MAP4K4: variants seen among roughly 807,000 people sequenced by gnomAD.
MAP4K4 encodes HPK/GCK-like kinase HGK.
A neutral mutation model predicts 189.6 loss-of-function variants in MAP4K4; 38 were observed. That is an observed-to-expected ratio of 0.20 (90% CI 0.15 to 0.26). The LOEUF (loss-of-function observed/expected upper bound fraction) is 0.26, where lower values mean the gene tolerates loss of function less well. MAP4K4 is among the 10% of genes least tolerant of loss of function. MAP4K4 has a pLI of 1.00. For missense variants in MAP4K4, 1,054 were observed against 1,726.9 expected (o/e 0.61, Z 6.91); for synonymous variants, 610 against 624.3 (o/e 0.98, Z 0.34).
chr2:101,850,698 G>T (rs1378345996), intron 12 of MAP4K4, among the ~76,000 whole-genome samples: 1 of 152,208 alleles, frequency 6.6e-6, no homozygotes, highest in Admixed American at 6.5e-5. Flanking sequence ...TAGCAGCTCA[G>T]TTGGTATGCA....
At chr2:101,701,982 C>T (rs1252764850) in intron 2 of MAP4K4, among the ~76,000 whole-genome samples, 1 of 152,170 alleles carries the variant, frequency 6.6e-6, no homozygotes, top group Non-Finnish European at 1.5e-5. Context: ...TCTCCTGCCT[C>T]AGCCTCCTGA....
At chr2:101,735,960 A>G (rs545225251) in intron 2 of MAP4K4, among the ~76,000 whole-genome samples, 7 of 152,200 alleles carry the variant, frequency 4.6e-5, no homozygotes, top group Non-Finnish European at 1.0e-4. Flanking sequence ...TCTGTTTCCT[A>G]CAGCCTTCTA....
At chr2:101,820,753 TCTCAGAAACC>T (rs2096002157) in intron 3 of MAP4K4, among the ~76,000 whole-genome samples, 1 of 152,168 alleles carries the variant, frequency 6.6e-6, no homozygotes, top group African/African-American at 2.4e-5. Flanking sequence ...TCAGGAGGCC[TCTCAGAAACC>T]CTCAGATACC....
chr2:101,844,239 T>C, exon 12 of MAP4K4: 1 of 1,589,994 alleles, frequency 6.3e-7, no homozygotes, highest in African/African-American at 1.3e-5. Context: ...AGGAAGAATA[T>C]AAAAGGCAAC....
intron 3 of MAP4K4, among the ~76,000 whole-genome samples, chr2:101,800,524 A>G (rs1049435440): frequency 6.6e-6 from 1 of 152,258 alleles, no homozygotes; most frequent in African/African-American, 2.4e-5. Flanking sequence ...ATATTTTAAT[A>G]ATCATACATT....
chr2:101,802,783 T>C (rs953173719), intron 3 of MAP4K4, among the ~76,000 whole-genome samples: 20 of 151,872 alleles, frequency 1.3e-4, no homozygotes, highest in African/African-American at 4.4e-4. Flanking sequence ...GTGACAATGA[T>C]CTTTGTCTGT....
At chr2:101,815,413 A>T (rs1352139517) in intron 3 of MAP4K4, among the ~76,000 whole-genome samples, 1 of 152,206 alleles carries the variant, frequency 6.6e-6, no homozygotes, top group Non-Finnish European at 1.5e-5. Flanking sequence ...CAACAGACGT[A>T]ATAGTTTATA....
chr2:101,758,606 C>T (rs907531798), intron 2 of MAP4K4, among the ~76,000 whole-genome samples: 4 of 152,114 alleles, frequency 2.6e-5, no homozygotes, highest in African/African-American at 9.7e-5. Flanking sequence ...CGAGGGAGGA[C>T]TGTGTATGAA....
At chr2:101,722,640 T>A (rs2052840457) in intron 2 of MAP4K4, among the ~76,000 whole-genome samples, 1 of 152,130 alleles carries the variant, frequency 6.6e-6, no homozygotes, top group African/African-American at 2.4e-5. Flanking sequence ...CCTTTGAGAG[T>A]GTATTGTTTT....
At chr2:101,894,416 A>G (rs955384665) in exon 33 of MAP4K4, 2 of 152,746 alleles carry the variant, frequency 1.3e-5, no homozygotes, top group African/African-American at 2.4e-5. Context: ...TGCGCACCAC[A>G]TATTTATGGT....
At chr2:101,807,217 A>G (rs1287292804) in intron 3 of MAP4K4, among the ~76,000 whole-genome samples, 2 of 151,468 alleles carry the variant, frequency 1.3e-5, no homozygotes, top group East Asian at 1.9e-4. Flanking sequence ...CACCTGGCTA[A>G]TTTTTTATTT....
At chr2:101,855,100 C>T (rs1460901811) in intron 12 of MAP4K4, among the ~76,000 whole-genome samples, 4 of 152,270 alleles carry the variant, frequency 2.6e-5, no homozygotes, top group African/African-American at 4.8e-5. Context: ...GTTGTCATCA[C>T]GTGCCTGGCA....
rs577276891 is a variant in MAP4K4 at position 101,697,929 on chromosome 2, C to CCCG, written c.-140_-138dup. 0.27 allele frequency: 52,383 copies of CCCG among 195,726 alleles called. 7,901 individuals carry two copies. The highest frequency in any genetic ancestry group is 0.48 in the East Asian group (2,483 of 5,134). 12.1% of individuals were successfully genotyped at this position (195,726 alleles called of 1,614,324 possible). ...CGAGCGGCCCGAGAGCGCAGCCGAG[C>CCCG]CCGCCGCCGCCGCCCGCGGCCCCGC... On this transcript the variant is annotated 5_prime_UTR_variant, in exon 1 of 33. Transcript: ENST00000324219.
chr2:101,833,670 C>T (rs920487174), intron 7 of MAP4K4, among the ~76,000 whole-genome samples: 1 of 150,698 alleles, frequency 6.6e-6, no homozygotes, highest in Admixed American at 6.6e-5. Context: ...GTATATCAGG[C>T]AATGTTTAGT....
chr2:101,705,146 G>A (rs1452723365), intron 2 of MAP4K4, among the ~76,000 whole-genome samples: 1 of 152,186 alleles, frequency 6.6e-6, no homozygotes, highest in African/African-American at 2.4e-5. Flanking sequence ...TATCTAGATA[G>A]CATTAGGTAT....
chr2:101,839,961 A>G lies in MAP4K4; in HGVS notation c.916A>G (p.Ile306Val). The G allele has an allele frequency of 6.2e-7, 1 of 1,609,814 alleles. No individual in the cohort carries two copies. Among genetic ancestry groups the G allele is most frequent in the Non-Finnish European group, 8.5e-7 (1 of 1,178,794 alleles). Residue 306 changes from isoleucine (I) to valine (V), a missense_variant, in exon 10 of 33, where the codon ATA becomes GTA. Transcript: ENST00000324219. ...AGTTAGAATCCAGCTTAAGGATCAT[A>G]TAGATCGTACCAGGAAGAAGAGAGG... is the stretch of plus-strand genomic sequence containing the variant.
chr2:101,761,176 G>A (rs71415328), intron 2 of MAP4K4, among the ~76,000 whole-genome samples: 1,771 of 152,274 alleles, frequency 0.012, 21 homozygotes, highest in Admixed American at 0.018. Flanking sequence ...GTTTTGTGAA[G>A]TTGCTATAGA....
exon 2 of MAP4K4, chr2:101,698,526 A>G (rs2035939585): frequency 5.0e-6 from 8 of 1,613,608 alleles, no homozygotes; most frequent in East Asian, 2.2e-5. Context: ...GCACCTATGG[A>G]CAAGTCTATA....
intron 5 of MAP4K4, among the ~76,000 whole-genome samples, chr2:101,829,041 C>T (rs986939885): frequency 6.6e-6 from 1 of 152,228 alleles, no homozygotes; most frequent in Non-Finnish European, 1.5e-5. Context: ...CAGTTTGTCA[C>T]TGTGCAGTGG....
Sources: gnomAD v4.1 joint callset for allele counts (sites outside exome capture counted in the v4.1 genomes callset) on GRCh38, gnomAD v4.1.1 for gene constraint, MANE v1.5 for transcripts, NCBI Gene and HGNC (gene_info 2026-07-23, HGNC 2026-07-21) for gene names.